The following ATP8A2 variants were observed in gnomAD, a reference collection of about 807,000 sequenced individuals.
ATP8A2 encodes the protein phospholipid-transporting ATPase IB.
ATP8A2 carries 100 observed loss-of-function variants against 165.6 expected under a neutral mutation model. The ratio of observed to expected loss-of-function variants is 0.60; its 90% CI spans 0.51 to 0.71. The LOEUF (loss-of-function observed/expected upper bound fraction) is 0.71. Among genes scored for constraint, ATP8A2 ranks in the 30% least tolerant of loss-of-function variants. The probability of loss-of-function intolerance (pLI) is 0.00; values close to 1 mark genes in which losing one functional copy is unlikely to be tolerated. For missense variants in ATP8A2, 1,227 were observed against 1,479.5 expected, an observed-to-expected ratio of 0.83 and a Z score of 2.80; for synonymous variants, 543 against 548.8, an observed-to-expected ratio of 0.99 and a Z score of 0.15.
rs1030569270 is a variant in ATP8A2 at position 25,398,000 on chromosome 13, G to A, written c.76+25712G>A. ...GAAGCCAAGGTCCTGTTATGTAGAT[G>A]AAGCCTCCAGGTAGCAGCCTTAGGG... On this transcript the variant is annotated intron_variant, in intron 1 of 36. Transcript: ENST00000381655. Among the ~76,000 whole-genome samples the A allele has an allele frequency of 6.6e-5, 10 of 152,264 alleles. No homozygotes were observed. In the East Asian group the frequency reaches 1.3e-3, roughly 21 times the overall value.
intron 24 of ATP8A2, among the ~76,000 whole-genome samples, chr13:25,604,020 G>A (rs917643604): frequency 1.3e-5 from 2 of 151,932 alleles, no homozygotes; most frequent in Admixed American, 1.3e-4. Context: ...CAAATCTCAA[G>A]AATTCAGCTC....
At chr13:25,578,204 C>A (rs2039670803) in intron 20 of ATP8A2, among the ~76,000 whole-genome samples, 2 of 152,134 alleles carry the variant, frequency 1.3e-5, no homozygotes, top group African/African-American at 4.8e-5. Flanking sequence ...TTAATTCTCT[C>A]CAAAACCAAA....
chr13:25,478,016 G>A (rs1472870410), intron 2 of ATP8A2, among the ~76,000 whole-genome samples: 2 of 152,148 alleles, frequency 1.3e-5, no homozygotes, highest in Non-Finnish European at 2.9e-5. Context: ...GGAATGAAAT[G>A]CTAAACTCTT....
intron 35 of ATP8A2, among the ~76,000 whole-genome samples, chr13:25,995,763 T>C (rs979284214): frequency 6.6e-6 from 1 of 152,124 alleles, no homozygotes; most frequent in Admixed American, 6.5e-5. Flanking sequence ...TCTGTTGTTA[T>C]TAGGTAGAGT....
At chr13:25,602,930 G>A (rs1366217360) in intron 24 of ATP8A2, among the ~76,000 whole-genome samples, 3 of 152,068 alleles carry the variant, frequency 2.0e-5, no homozygotes, top group Non-Finnish European at 4.4e-5. Context: ...AAATTAGCCA[G>A]GCATGGGGGG....
intron 10 of ATP8A2, 148 bp downstream of exon 10, chr13:25,543,550 G>T: frequency 1.9e-6 from 1 of 532,432 alleles, no homozygotes; most frequent in Non-Finnish European, 3.3e-6. Context: ...TAGTTTCTTA[G>T]GTAGCTTTTT....
In ATP8A2 at chr13:25,651,884, T is replaced by C. The variant is rs189172254; in HGVS notation, c.2212-47289T>C. Among the ~76,000 whole-genome samples the C allele has an allele frequency of 1.2e-4, 18 of 152,324 alleles. 1 individual carries two copies. In the East Asian group the frequency reaches 2.3e-3, roughly 20 times the overall value. On this transcript the variant is annotated intron_variant, in intron 24 of 36. Transcript: ENST00000381655. The stretch of plus-strand genomic sequence containing the variant: ...TTTAATTTTGATTTTAGTCAATTTT[T>C]TGTTTATAATTTTGTTTATTACTTT...
intron 23 of ATP8A2, among the ~76,000 whole-genome samples, chr13:25,589,203 G>A (rs565159291): frequency 6.6e-6 from 1 of 152,252 alleles, no homozygotes; most frequent in African/African-American, 2.4e-5. Flanking sequence ...CTCCCTCAGT[G>A]TATTCCTTTG....
intron 1 of ATP8A2, among the ~76,000 whole-genome samples, chr13:25,399,703 G>A (rs190370125): frequency 9.9e-5 from 15 of 151,660 alleles, no homozygotes; most frequent in African/African-American, 1.7e-4. Flanking sequence ...CGCCCGGCCC[G>A]TGGTTCTTCT....
At chr13:25,443,733 A>T (rs2034994515) in intron 1 of ATP8A2, among the ~76,000 whole-genome samples, 1 of 152,002 alleles carries the variant, frequency 6.6e-6, no homozygotes, top group African/African-American at 2.4e-5. Flanking sequence ...TATTTTGTTT[A>T]TTGTCTCTCT....
At chr13:25,819,107 A>C (rs570365917) in intron 27 of ATP8A2, among the ~76,000 whole-genome samples, 1 of 152,134 alleles carries the variant, frequency 6.6e-6, no homozygotes, top group Non-Finnish European at 1.5e-5. Context: ...TTTTCTTTGC[A>C]CTCATACAAA....
intron 24 of ATP8A2, among the ~76,000 whole-genome samples, chr13:25,634,743 A>G (rs1481533199): frequency 1.3e-5 from 2 of 152,146 alleles, no homozygotes; most frequent in Non-Finnish European, 2.9e-5. Flanking sequence ...TGTACCAAGC[A>G]TTTCTTTCAC....
chr13:25,505,204 G>GC (rs912325655), intron 2 of ATP8A2, among the ~76,000 whole-genome samples: 1 of 139,898 alleles, frequency 7.1e-6, no homozygotes. Context: ...CGGCGGGGCG[G>GC]GGGGGGGTGG....
intron 28 of ATP8A2, among the ~76,000 whole-genome samples, chr13:25,833,353 A>G (rs1310723293): frequency 1.3e-5 from 2 of 152,184 alleles, no homozygotes; most frequent in Non-Finnish European, 2.9e-5. Context: ...GAAGTTGCAT[A>G]AAGTTATATT....
intron 25 of ATP8A2, among the ~76,000 whole-genome samples, chr13:25,744,045 A>G (rs533926814): frequency 6.6e-6 from 1 of 152,340 alleles, no homozygotes; most frequent in South Asian, 2.1e-4. Flanking sequence ...GTCATTAACT[A>G]TCTTATATTG....
chr13:25,476,965 T>G (rs759025130), intron 2 of ATP8A2, among the ~76,000 whole-genome samples: 2 of 152,232 alleles, frequency 1.3e-5, no homozygotes, highest in Non-Finnish European at 2.9e-5. Flanking sequence ...ACGAAAATAT[T>G]GGAACTGGGG....
chr13:25,991,724 G>C (rs149169354), intron 35 of ATP8A2, among the ~76,000 whole-genome samples: 1 of 152,202 alleles, frequency 6.6e-6, no homozygotes, highest in South Asian at 2.1e-4. Context: ...CATGTACCAC[G>C]CGTTGCTTGA....
chr13:25,997,619 G>T (rs868454029), intron 35 of ATP8A2, among the ~76,000 whole-genome samples: 5 of 151,994 alleles, frequency 3.3e-5, no homozygotes, highest in Non-Finnish European at 7.4e-5. Flanking sequence ...AATTTTTATA[G>T]TCTATTTTGT....
intron 25 of ATP8A2, among the ~76,000 whole-genome samples, chr13:25,712,044 T>G (rs939207772): frequency 6.6e-6 from 1 of 152,156 alleles, no homozygotes; most frequent in Non-Finnish European, 1.5e-5. Flanking sequence ...AATGCCTCCT[T>G]ATTTATTTAT....
Sources: allele counts gnomAD v4.1 joint callset (sites outside exome capture counted in the v4.1 genomes callset), GRCh38; gene constraint gnomAD v4.1.1; transcripts MANE v1.5; gene names NCBI Gene and HGNC (gene_info 2026-07-23, HGNC 2026-07-21).